Variants in ATM observed in about 807,000 individuals in gnomAD.
The protein encoded by ATM is ATM serine/threonine kinase.
In ATM, 308 loss-of-function variants were observed where a neutral mutation model predicts 387.0. The ratio of observed to expected loss-of-function variants is 0.80; its 90% CI spans 0.73 to 0.87. The LOEUF (loss-of-function observed/expected upper bound fraction) is 0.87, where lower values mean the gene tolerates loss of function less well. ATM is among the 40% of genes least tolerant of loss of function. The probability of loss-of-function intolerance (pLI) is 0.00; values close to 1 mark genes in which losing one functional copy is unlikely to be tolerated. For synonymous variants in ATM, 1,156 were observed against 1,187.3 expected, an observed-to-expected ratio of 0.97 and a Z score of 0.54; for missense variants, 3,312 against 3,560.9, an observed-to-expected ratio of 0.93 and a Z score of 1.78.
At position 108,268,557 on chromosome 11, in the gene ATM, T is replaced by C. The variant is rs745737218; in HGVS notation, c.2786T>C (p.Met929Thr). Reference sequence around the variant, plus strand: ...GCTGATATTCGGAGGAAATTGTTAATGTTAATTGATTCTAGCACGCTAGAA... The same window carrying C: ...GCTGATATTCGGAGGAAATTGTTAACGTTAATTGATTCTAGCACGCTAGAA... ...RAADIRRKLL[M>T]LIDSSTLEPT... is the part of the protein sequence containing the mutation. The change falls in exon 18 of 63, where the codon ATG becomes ACG. Residue 929 changes from methionine (M) to threonine (T), a missense_variant. Physicochemically the swap from Met to Thr is moderately conservative, Grantham distance 81 (BLOSUM62 -1). Around this residue, in one of 4 missense-constraint regions of ATM, gnomAD observed 1,791 missense variants for 1,804.5 expected, o/e 0.99. Coordinates refer to ENST00000675843, the MANE Select transcript of ATM (RefSeq NM_000051.4). 9 of 1,613,988 alleles carry C rather than the reference T, an allele frequency of 5.6e-6. No homozygotes were observed. The highest frequency in any genetic ancestry group is 6.8e-6 in the Non-Finnish European group (8 of 1,179,998).
chr11:108,243,754 G>A (rs991661468), intron 5 of ATM, among the ~76,000 whole-genome samples, 199 bp from the exon 6 acceptor site: 1 of 152,232 alleles, frequency 6.6e-6, no homozygotes, highest in African/African-American at 2.4e-5. Flanking sequence ...GCAGTTTATA[G>A]TTATTCCTGT....
intron 16 of ATM, among the ~76,000 whole-genome samples, chr11:108,261,532 A>G (rs1487115461): frequency 6.6e-6 from 1 of 152,178 alleles, no homozygotes; most frequent in Non-Finnish European, 1.5e-5. Flanking sequence ...AAAGATGGGG[A>G]AAAAACAGAA....
intron 26 of ATM, 81 bp downstream of exon 26, chr11:108,284,554 A>T: frequency 6.5e-7 from 1 of 1,537,674 alleles, no homozygotes; most frequent in Non-Finnish European, 8.9e-7. Context: ...TATTTATTCG[A>T]TTTATTCGTA....
At chr11:108,331,150 A>T in intron 50 of ATM, 1 of 1,107,094 alleles carries the variant, frequency 9.0e-7, no homozygotes, top group Non-Finnish European at 1.1e-6. Flanking sequence ...TCACACTCAG[A>T]TCACATTTGT....
intron 17 of ATM, among the ~76,000 whole-genome samples, 188 bp downstream of exon 17, chr11:108,267,530 A>G (rs913283006): frequency 8.0e-5 from 12 of 149,300 alleles, no homozygotes; most frequent in East Asian, 2.0e-4. Context: ...TTCATATTTT[A>G]TTCTTCATAG....
chr11:108,274,837 TTAC>T (rs1196968921), intron 22 of ATM, among the ~76,000 whole-genome samples: 1 of 152,182 alleles, frequency 6.6e-6, no homozygotes, highest in Admixed American at 6.5e-5. Context: ...AGAATGTATA[TTAC>T]TCTGTTGATT....
intron 16 of ATM, among the ~76,000 whole-genome samples, chr11:108,261,633 G>C (rs2080895138): frequency 6.6e-6 from 1 of 152,202 alleles, no homozygotes; most frequent in Non-Finnish European, 1.5e-5. Context: ...GCTGGATGGA[G>C]AATGACTTTG....
chr11:108,342,078 G>T (rs2087648688), intron 56 of ATM, among the ~76,000 whole-genome samples: 1 of 151,954 alleles, frequency 6.6e-6, no homozygotes, highest in African/African-American at 2.4e-5. Context: ...TTAACATTAT[G>T]AGATTTTTTT....
chr11:108,320,287 T>C (rs537370665), intron 44 of ATM, among the ~76,000 whole-genome samples: 2 of 152,200 alleles, frequency 1.3e-5, no homozygotes, highest in Non-Finnish European at 2.9e-5. Context: ...TTTTGGTGAT[T>C]CCCTCTTTGT....
intron 4 of ATM, chr11:108,229,714 C>CT (rs1017082907): frequency 1.2e-4 from 24 of 196,334 alleles, no homozygotes; most frequent in South Asian, 9.5e-4. Context: ...GGGTGTCACT[C>CT]TGTCACCCAG....
chr11:108,359,281 C>T (rs1294231954), intron 61 of ATM, among the ~76,000 whole-genome samples: 1 of 151,388 alleles, frequency 6.6e-6, no homozygotes, highest in Admixed American at 6.6e-5. Context: ...TACAGGAGCA[C>T]CCAGATTCAT....
At position 108,250,337 on chromosome 11, in the gene ATM, G is replaced by C. The variant is rs2080067184; in HGVS notation, c.1236-364G>C. Among the ~76,000 whole-genome samples, 4 of 152,022 alleles carry C rather than the reference G, an allele frequency of 2.6e-5. 1 individual carries two copies. Among genetic ancestry groups the C allele is most frequent in the Admixed American group, 2.6e-4 (4 of 15,254 alleles). Reference sequence around the variant, plus strand: ...CCGGCTAATTTTTGTATTTTTAGTAGAGACTGGGTTTCACCATGTTGGCCA... The same window carrying C: ...CCGGCTAATTTTTGTATTTTTAGTACAGACTGGGTTTCACCATGTTGGCCA... On this transcript the variant is annotated intron_variant, in intron 9 of 62. Coordinates refer to ENST00000675843, the MANE Select transcript of ATM (RefSeq NM_000051.4).
chr11:108,366,774 CT>C lies in ATM; in HGVS notation c.*1271del. ...AGTGGGCAGAATATTTGATTGATGC[CT>C]TTTTCACTGAGAGTATAAGCTTCCA... On this transcript the variant is annotated 3_prime_UTR_variant, in exon 63 of 63. Transcript: ENST00000675843. 2.2e-5 allele frequency: 5 copies of C among 230,560 alleles called. No homozygotes were observed. The highest frequency in any genetic ancestry group is 4.3e-5 in the Non-Finnish European group (5 of 116,424). 14.3% of individuals were successfully genotyped at this position (230,560 alleles called of 1,614,324 possible). A position where few individuals can be genotyped will look rare whatever the true frequency, so the allele number is the denominator to read the frequency against.
intron 34 of ATM, among the ~76,000 whole-genome samples, chr11:108,301,324 A>G (rs1196563914): frequency 1.3e-5 from 2 of 152,196 alleles, no homozygotes; most frequent in African/African-American, 4.8e-5. Context: ...AGATGTGGAC[A>G]AAAGGATTCC....
chr11:108,329,455 G>A lies in ATM; in HGVS notation c.7307+217G>A, dbSNP rs117678340. ...AAGGTCTCACTCTGTCACCCAGGCT[G>A]GAGTACAGTGGCGTGATCACTGTAC... On this transcript the variant is annotated intron_variant, in intron 49 of 62. Transcript: ENST00000675843. 0.069 allele frequency: 38,316 copies of A among 552,726 alleles called. 1,924 individuals carry two copies. Among genetic ancestry groups the A allele is most frequent in the Non-Finnish European group, 0.081 (25,395 of 312,574 alleles). 34.2% of individuals were successfully genotyped at this position (552,726 alleles called of 1,614,324 possible).
In ATM at chr11:108,289,012, C is replaced by T. The variant is rs752460436; in HGVS notation, c.4145C>T (p.Pro1382Leu). The stretch of plus-strand genomic sequence containing the variant: ...CCTGCTCCTAATCCACCTCATTTTC[C>T]ATCGCATGTGATTAAAGCAACATTT... Reference protein sequence around the residue: ...LDPAPNPPHFPSHVIKATFAY... With the variant: ...LDPAPNPPHFLSHVIKATFAY... Residue 1382 changes from proline to leucine, a missense_variant, in exon 28 of 63, where the codon CCA becomes CTA. Transcript: ENST00000675843. The T allele has an allele frequency of 7.4e-6, 12 of 1,613,508 alleles. No individual in the cohort carries two copies. The highest frequency in any genetic ancestry group is 1.0e-5 in the Non-Finnish European group (12 of 1,179,658).
rs1555124506 is a variant in ATM, at chr11:108,331,916, CTTTG to C, written c.7671_7674del (p.Phe2558LeufsTer5). Reference sequence around the variant, plus strand: ...ATTTCAATGGATCACCCCCATCACACTTTGTTTATTATACTGGCCTTAGCAAATG... The same window carrying C: ...ATTTCAATGGATCACCCCCATCACACTTTATTATACTGGCCTTAGCAAATG... On this transcript the variant is annotated frameshift_variant, in exon 52 of 63. Coordinates refer to ENST00000675843, the MANE Select transcript of ATM (RefSeq NM_000051.4). LOFTEE classifies it high-confidence loss of function. 3 of 1,613,944 alleles carry C rather than the reference CTTTG, an allele frequency of 1.9e-6. No individual in the cohort carries two copies. Among genetic ancestry groups the C allele is most frequent in the Non-Finnish European group, 2.5e-6 (3 of 1,179,894 alleles).
intron 51 of ATM, 72 bp downstream of exon 51, chr11:108,331,629 A>G: frequency 1.4e-6 from 2 of 1,431,064 alleles, no homozygotes; most frequent in Non-Finnish European, 9.3e-7. Flanking sequence ...TATAAAGTAT[A>G]TATACCATTC....
At chr11:108,263,926 A>G (rs1029586051) in intron 16 of ATM, among the ~76,000 whole-genome samples, 2 of 149,752 alleles carry the variant, frequency 1.3e-5, no homozygotes, top group Non-Finnish European at 3.0e-5. Flanking sequence ...CCAAGACTAA[A>G]CCAGGAAGAA....
Sources: allele counts gnomAD v4.1 joint callset (sites outside exome capture counted in the v4.1 genomes callset), GRCh38; gene constraint gnomAD v4.1.1; regional missense constraint gnomAD v4.1.1; transcripts MANE v1.5; gene names NCBI Gene and HGNC (gene_info 2026-07-23, HGNC 2026-07-21).